ANO5: variants seen among roughly 807,000 people sequenced by gnomAD.
ANO5 encodes anoctamin 5.
Under a neutral mutation model 121.0 loss-of-function variants are expected in ANO5, and 109 were observed. The observed-to-expected ratio is 0.90, with a 90% CI of 0.77 to 1.06. The LOEUF (loss-of-function observed/expected upper bound fraction) is 1.06. Among genes scored for constraint, ANO5 ranks in the 50% least tolerant of loss-of-function variants. ANO5 has a pLI of 0.00. For missense variants in ANO5, 1,064 were observed against 1,078.5 expected (o/e 0.99, Z 0.19); for synonymous variants, 406 against 359.9 (o/e 1.13, Z -1.45).
chr11:22,238,587 A>G (rs1330391616), intron 8 of ANO5, among the ~76,000 whole-genome samples: 1 of 152,076 alleles, frequency 6.6e-6, no homozygotes, highest in African/African-American at 2.4e-5. Flanking sequence ...AAATACCCAC[A>G]TAGGCTGCTT....
At chr11:22,211,207 C>G (rs1386609583) in intron 2 of ANO5, 57 bp from the exon 3 acceptor site, 2 of 1,572,110 alleles carry the variant, frequency 1.3e-6, no homozygotes, top group African/African-American at 2.7e-5. Flanking sequence ...TTAAAAGCAC[C>G]CTTTGCTCCA....
intron 18 of ANO5, among the ~76,000 whole-genome samples, chr11:22,271,695 C>A (rs1255515876): frequency 6.6e-6 from 1 of 152,158 alleles, no homozygotes; most frequent in Non-Finnish European, 1.5e-5. Flanking sequence ...TATATTATCT[C>A]TAATTTTGAA....
At chr11:22,207,725 A>G (rs1564912151) in intron 2 of ANO5, among the ~76,000 whole-genome samples, 1 of 152,096 alleles carries the variant, frequency 6.6e-6, no homozygotes, top group Non-Finnish European at 1.5e-5. Flanking sequence ...AGATCCTGTT[A>G]TGATGATGAA....
At chr11:22,275,701 C>T (rs1208872791) in intron 20 of ANO5, among the ~76,000 whole-genome samples, 1 of 151,762 alleles carries the variant, frequency 6.6e-6, no homozygotes, top group Non-Finnish European at 1.5e-5. Context: ...ATATAATATT[C>T]TTATTTTTGA....
intron 13 of ANO5, among the ~76,000 whole-genome samples, chr11:22,256,907 A>G (rs927278415): frequency 6.6e-6 from 1 of 152,192 alleles, no homozygotes; most frequent in Admixed American, 6.5e-5. Flanking sequence ...ACATGTACAC[A>G]GTGACATATA....
intron 3 of ANO5, among the ~76,000 whole-genome samples, chr11:22,215,059 C>T (rs1852396121): frequency 6.6e-6 from 1 of 151,826 alleles, no homozygotes; most frequent in Admixed American, 6.6e-5. Flanking sequence ...TTAAGAGAAC[C>T]TATCTTAGAG....
intron 17 of ANO5, among the ~76,000 whole-genome samples, chr11:22,264,553 G>A (rs1383293015): frequency 1.3e-5 from 2 of 151,232 alleles, no homozygotes; most frequent in African/African-American, 2.4e-5. Flanking sequence ...ATTTCAAAAT[G>A]TGGTAATATT....
chr11:22,253,657 G>A (rs372180833), intron 12 of ANO5, among the ~76,000 whole-genome samples: 11 of 152,234 alleles, frequency 7.2e-5, no homozygotes, highest in African/African-American at 1.7e-4. Context: ...TCTGCCTTAC[G>A]AAATTCACAA....
chr11:22,252,400 C>T (rs908157631), intron 12 of ANO5, among the ~76,000 whole-genome samples: 4 of 152,130 alleles, frequency 2.6e-5, no homozygotes, highest in Non-Finnish European at 5.9e-5. Flanking sequence ...GCACCAACAC[C>T]TGCCTTATAT....
chr11:22,242,050 T>G (rs1853450347), intron 9 of ANO5, among the ~76,000 whole-genome samples: 1 of 152,044 alleles, frequency 6.6e-6, no homozygotes, highest in Non-Finnish European at 1.5e-5. Context: ...ATTCCATCTT[T>G]AGTTATTTTT....
In ANO5 at chr11:22,226,015, G is replaced by C; in HGVS notation, c.326G>C (p.Arg109Thr). The C allele has an allele frequency of 6.2e-7, 1 of 1,608,786 alleles. No homozygotes were observed. The highest frequency in any genetic ancestry group is 8.5e-7 in the Non-Finnish European group (1 of 1,175,756). The change falls in exon 6 of 22, where the codon AGA becomes ACA. Residue 109 changes from arginine to threonine, a missense_variant. Coordinates refer to ENST00000324559, the MANE Select transcript of ANO5 (RefSeq NM_213599.3). ...ERRKEFETNL[R>T]KTGLELEIED... ...AGAAAAGAGTTTGAAACTAATCTCAGAAAAACAGGTCTTGAGTTGGAAATA... is the reference window on the plus strand; with the variant it reads ...AGAAAAGAGTTTGAAACTAATCTCACAAAAACAGGTCTTGAGTTGGAAATA...
chr11:22,221,061 T>C (rs1279747577), intron 4 of ANO5, 36 bp from the exon 5 acceptor site: 2 of 1,453,918 alleles, frequency 1.4e-6, no homozygotes, highest in Non-Finnish European at 1.9e-6. Context: ...AGAATAAAAC[T>C]ATAATTTACA....
chr11:22,204,633 G>T (rs901863961), intron 2 of ANO5, among the ~76,000 whole-genome samples: 10 of 152,064 alleles, frequency 6.6e-5, no homozygotes, highest in South Asian at 4.1e-4. Flanking sequence ...AAGTTACAGG[G>T]TTCCTTTAAA....
At chr11:22,267,934 A>C (rs1854432865) in intron 17 of ANO5, among the ~76,000 whole-genome samples, 1 of 152,208 alleles carries the variant, frequency 6.6e-6, no homozygotes, top group Admixed American at 6.5e-5. Flanking sequence ...TGCAAAGAAC[A>C]TGATCTTGTT....
chr11:22,246,856 C>CAAAAAA (rs10565920), intron 9 of ANO5, among the ~76,000 whole-genome samples: 1 of 62,202 alleles, frequency 1.6e-5, no homozygotes. Context: ...GACCCTGTTT[C>CAAAAAA]AAAAAAAAAA....
rs553196464 is a variant in ANO5, at chr11:22,282,535, G to T, written c.*2770G>T. On this transcript the variant is annotated 3_prime_UTR_variant, in exon 22 of 22. Transcript: ENST00000324559. ...AAGTGACGGGAAATGAGAAAGAAGA[G>T]GAGTGAGGAAACAGTTATTTCCTTA... 1 of 152,274 alleles carries T rather than the reference G, an allele frequency of 6.6e-6. No homozygotes were observed. The highest frequency in any genetic ancestry group is 1.9e-4 in the East Asian group (1 of 5,182). The allele number at this position is 152,274 out of a possible 1,614,324, so 9.4% of individuals were successfully genotyped here.
chr11:22,229,056 A>G (rs1389079527), intron 7 of ANO5, among the ~76,000 whole-genome samples: 1 of 151,712 alleles, frequency 6.6e-6, no homozygotes, highest in African/African-American at 2.4e-5. Context: ...GACCGTCCAT[A>G]TTGTCTTTCA....
chr11:22,224,913 A>C (rs182152393), intron 5 of ANO5, among the ~76,000 whole-genome samples: 1 of 152,138 alleles, frequency 6.6e-6, no homozygotes, highest in African/African-American at 2.4e-5. Flanking sequence ...AAAAAGACAA[A>C]TGTCATATGT....
intron 3 of ANO5, among the ~76,000 whole-genome samples, 175 bp downstream of exon 3, chr11:22,211,489 C>T (rs935318012): frequency 1.3e-5 from 2 of 151,604 alleles, no homozygotes; most frequent in Non-Finnish European, 2.9e-5. Flanking sequence ...GGGGGGAAAA[C>T]ACATCAGACA....
Sources: gnomAD v4.1 joint callset for allele counts (sites outside exome capture counted in the v4.1 genomes callset) on GRCh38, gnomAD v4.1.1 for gene constraint, MANE v1.5 for transcripts, NCBI Gene and HGNC (gene_info 2026-07-23, HGNC 2026-07-21) for gene names.